PKP2: variants seen among roughly 807,000 people sequenced by gnomAD.
The protein encoded by PKP2 is plakophilin 2.
A neutral mutation model predicts 83.4 loss-of-function variants in PKP2; 73 were observed. The observed-to-expected ratio is 0.88, with a 90% CI of 0.72 to 1.06. The LOEUF (loss-of-function observed/expected upper bound fraction) is 1.06. Ranked by LOEUF, PKP2 falls within the 50% of genes least tolerant of loss-of-function variation. The pLI is 0.00. For missense variants in PKP2, 966 were observed against 1,065.4 expected (o/e 0.91, Z 1.30); for synonymous variants, 409 against 430.4 (o/e 0.95, Z 0.62).
rs185962034 is a variant in PKP2, at chr12:32,826,882, C to A, written c.1557-2720G>T. Among the ~76,000 whole-genome samples, 611 of 152,216 alleles carry A rather than the reference C, an allele frequency of 4.0e-3. 3 individuals carry two copies. The highest frequency in any genetic ancestry group is 0.014 in the African/African-American group (587 of 41,542). On this transcript the variant is annotated intron_variant, in intron 6 of 12. Transcript: ENST00000340811. ...GGTGACAGCAAATTAGTGGTAAAGT[C>A]AGGAAAAGAGGGCTGTTCTTTATTC...
At chr12:32,848,664 G>A (rs1320944984) in intron 5 of PKP2, among the ~76,000 whole-genome samples, 1 of 152,098 alleles carries the variant, frequency 6.6e-6, no homozygotes, top group Non-Finnish European at 1.5e-5. Flanking sequence ...AAGGACGGGG[G>A]CAAGGGTTGA....
chr12:32,815,577 C>T (rs915987534), intron 9 of PKP2, among the ~76,000 whole-genome samples: 1 of 152,128 alleles, frequency 6.6e-6, no homozygotes, highest in African/African-American at 2.4e-5. Flanking sequence ...TACTTGAAAA[C>T]AAGATGGGGA....
At chr12:32,823,844 G>A (rs1439574865) in intron 7 of PKP2, among the ~76,000 whole-genome samples, 1 of 151,986 alleles carries the variant, frequency 6.6e-6, no homozygotes, top group Non-Finnish European at 1.5e-5. Context: ...CTCGTGATCT[G>A]CCTGCCTCAG....
At chr12:32,811,498 G>A (rs1956276886) in intron 9 of PKP2, among the ~76,000 whole-genome samples, 1 of 152,184 alleles carries the variant, frequency 6.6e-6, no homozygotes. Flanking sequence ...ATGTAATGCT[G>A]TGTCTTTTCT....
intron 4 of PKP2, among the ~76,000 whole-genome samples, chr12:32,858,159 T>C (rs1231750345): frequency 1.6e-5 from 2 of 127,508 alleles, no homozygotes; most frequent in South Asian, 4.9e-4. Context: ...TATAAATATA[T>C]ATAAAAGCCA....
At chr12:32,834,290 G>GCCTTCAA (rs1171881000) in intron 6 of PKP2, among the ~76,000 whole-genome samples, 1 of 152,188 alleles carries the variant, frequency 6.6e-6, no homozygotes, top group Non-Finnish European at 1.5e-5. Context: ...GATAGAGCAG[G>GCCTTCAA]CCTTCAACAA....
rs1956070416 is a variant in PKP2 at position 32,791,882 on chromosome 12, T to TA, written c.*541dup. On this transcript the variant is annotated 3_prime_UTR_variant, in exon 13 of 13. Transcript: ENST00000340811. ...ATCAGAGAAAAACAACCCAAGGGGA[T>TA]AAAAACAAGCACAAAGTAAAGAAAG... 8 of 164,540 alleles carry TA rather than the reference T, an allele frequency of 4.9e-5. No individual in the cohort carries two copies. Among genetic ancestry groups the TA allele is most frequent in the Admixed American group, 4.6e-4 (8 of 17,534 alleles). The allele number at this position is 164,540 out of a possible 1,614,324, so 10.2% of individuals were successfully genotyped here. A position where few individuals can be genotyped will look rare whatever the true frequency, so the allele number is the denominator to read the frequency against.
At position 32,792,383 on chromosome 12, in the gene PKP2, C is replaced by A; in HGVS notation, c.*41G>T. ...GGGTAGTAGAAAAATAGGTGTTTTCCTTTGGGGATTTTTGCAGCCGAGAAT... is the reference window on the plus strand; with the variant it reads ...GGGTAGTAGAAAAATAGGTGTTTTCATTTGGGGATTTTTGCAGCCGAGAAT... On this transcript the variant is annotated 3_prime_UTR_variant, in exon 13 of 13. Coordinates refer to ENST00000340811, the MANE Select transcript of PKP2 (RefSeq NM_001005242.3). 1.4e-6 allele frequency: 2 copies of A among 1,479,554 alleles called. No individual in the cohort carries two copies. The highest frequency in any genetic ancestry group is 1.9e-6 in the Non-Finnish European group (2 of 1,057,350). 91.7% of individuals were successfully genotyped at this position (1,479,554 alleles called of 1,614,324 possible).
At chr12:32,840,934 G>C (rs927925404) in intron 6 of PKP2, 94 bp downstream of exon 6, 21 of 887,866 alleles carry the variant, frequency 2.4e-5, no homozygotes, top group Admixed American at 1.2e-4. Context: ...TGTGTAACTA[G>C]AAAAGAACCA....
intron 11 of PKP2, 97 bp downstream of exon 11, chr12:32,796,012 C>T: frequency 9.2e-7 from 1 of 1,081,282 alleles, no homozygotes; most frequent in Non-Finnish European, 1.4e-6. Context: ...CCATGTTGCA[C>T]ATGATGGTCA....
intron 6 of PKP2, among the ~76,000 whole-genome samples, chr12:32,831,782 T>C (rs2137805875): frequency 6.6e-6 from 1 of 152,234 alleles, no homozygotes; most frequent in South Asian, 2.1e-4. Context: ...AATAGGACAG[T>C]GGAAAATGAT....
In PKP2 at chr12:32,796,177, G is replaced by A; in HGVS notation, c.2289C>T (p.Tyr763=). The A allele has an allele frequency of 6.2e-7, 1 of 1,614,042 alleles. No individual in the cohort carries two copies. The highest frequency in any genetic ancestry group is 2.2e-5 in the East Asian group (1 of 44,876). The change falls in exon 11 of 13, where the codon TAC becomes TAT. Residue 763 remains tyrosine, a synonymous_variant. Coordinates refer to ENST00000340811, the MANE Select transcript of PKP2 (RefSeq NM_001005242.3). ...TGTTTAGAAGGTCGCGTGCATTCTGGTAACTGTTTTGGATTATGTTGTTCA... is the reference window on the plus strand; with the variant it reads ...TGTTTAGAAGGTCGCGTGCATTCTGATAACTGTTTTGGATTATGTTGTTCA... ...YTLNNIIQNS[Y]QNARDLLNTG...
intron 9 of PKP2, among the ~76,000 whole-genome samples, chr12:32,809,710 G>A (rs575143187): frequency 5.3e-5 from 8 of 152,304 alleles, no homozygotes; most frequent in African/African-American, 1.2e-4. Context: ...CCCTGGTAGC[G>A]TGGGCTCATG....
intron 11 of PKP2, 41 bp downstream of exon 11, chr12:32,796,068 G>C (rs1169636085): frequency 6.5e-7 from 1 of 1,536,052 alleles, no homozygotes; most frequent in Admixed American, 1.7e-5. Context: ...GGCTGGTGAG[G>C]GGAAAGGGAG....
chr12:32,849,718 T>A (rs542630596), intron 5 of PKP2, among the ~76,000 whole-genome samples: 2 of 152,362 alleles, frequency 1.3e-5, no homozygotes, highest in African/African-American at 4.8e-5. Flanking sequence ...ATCTGATTAG[T>A]CCATCTCTCC....
In PKP2 at chr12:32,849,827, C is replaced by A. The variant is rs531802207; in HGVS notation, c.1378+939G>T. Reference sequence around the variant, plus strand: ...AACAAACATATCCAGTTACTCTTTTCTTCTTTAAGGTTTCAGTGAGCTAAG... The same window carrying A: ...AACAAACATATCCAGTTACTCTTTTATTCTTTAAGGTTTCAGTGAGCTAAG... On this transcript the variant is annotated intron_variant, in intron 5 of 12. Transcript: ENST00000340811. 2.6e-5 allele frequency among the ~76,000 whole-genome samples: 4 copies of A among 152,272 alleles called. No individual in the cohort carries two copies. In the South Asian group the frequency reaches 8.3e-4, roughly 32 times the overall value.
chr12:32,797,642 G>A (rs1956140124), intron 10 of PKP2, among the ~76,000 whole-genome samples: 1 of 148,780 alleles, frequency 6.7e-6, no homozygotes, highest in Non-Finnish European at 1.5e-5. Context: ...TGCAAGCTCC[G>A]CCTCCCGGGT....
chr12:32,796,238 A>C lies in PKP2; in HGVS notation c.2228T>G (p.Leu743Arg), dbSNP rs145553222. The C allele has an allele frequency of 6.2e-6, 10 of 1,613,918 alleles. No individual in the cohort carries two copies. The highest frequency in any genetic ancestry group is 8.5e-6 in the Non-Finnish European group (10 of 1,179,862). Residue 743 changes from leucine to arginine, a missense_variant, in exon 11 of 13, where the codon CTT becomes CGT. Leu to Arg is a moderately radical substitution (Grantham distance 102, BLOSUM62 -2). Coordinates refer to ENST00000340811, the MANE Select transcript of PKP2 (RefSeq NM_001005242.3). ...GGCAGAGGCTGTAGTTTCAATGAGAAGGTCAGTACTCGGGACTGTGTCAGG... is the reference window on the plus strand; with the variant it reads ...GGCAGAGGCTGTAGTTTCAATGAGACGGTCAGTACTCGGGACTGTGTCAGG... ...IIPDTVPSTD[L>R]LIETTASACY...
chr12:32,872,282 C>T (rs1012649812), intron 3 of PKP2, among the ~76,000 whole-genome samples: 1 of 152,096 alleles, frequency 6.6e-6, no homozygotes, highest in African/African-American at 2.4e-5. Context: ...CCTGTAATTC[C>T]AGCACTTTGG....
Sources: gnomAD v4.1 joint callset for allele counts (sites outside exome capture counted in the v4.1 genomes callset) on GRCh38, gnomAD v4.1.1 for gene constraint, MANE v1.5 for transcripts, NCBI Gene and HGNC (gene_info 2026-07-23, HGNC 2026-07-21) for gene names.